Variants in CDKL2 observed in about 807,000 individuals in gnomAD.
CDKL2 encodes cyclin-dependent kinase-like 2.
Under a neutral mutation model 63.9 loss-of-function variants are expected in CDKL2, and 64 were observed. The ratio of observed to expected loss-of-function variants is 1.00; its 90% CI spans 0.82 to 1.23. CDKL2 has a LOEUF of 1.23. Ranked by LOEUF, CDKL2 falls within the 50% of genes most tolerant of loss-of-function variation. The pLI, the probability that CDKL2 is intolerant of heterozygous loss-of-function variation, is 0.00. For missense variants in CDKL2, 656 were observed against 668.0 expected, an observed-to-expected ratio of 0.98 and a Z score of 0.20; for synonymous variants, 211 against 229.2, an observed-to-expected ratio of 0.92 and a Z score of 0.72.
At chr4:75,611,933 C>A (rs2148898042) in intron 3 of CDKL2, among the ~76,000 whole-genome samples, 1 of 151,732 alleles carries the variant, frequency 6.6e-6, no homozygotes, top group Non-Finnish European at 1.5e-5. Flanking sequence ...GAATTACAGG[C>A]GTGAGCCACT....
chr4:75,617,797 C>A (rs1459355773), intron 2 of CDKL2, among the ~76,000 whole-genome samples: 1 of 152,102 alleles, frequency 6.6e-6, no homozygotes, highest in Non-Finnish European at 1.5e-5. Flanking sequence ...TCCAAACCTG[C>A]AATCATAATT....
At chr4:75,613,775 G>GCCA (rs578011365) in intron 3 of CDKL2, among the ~76,000 whole-genome samples, 49 of 152,282 alleles carry the variant, frequency 3.2e-4, no homozygotes, top group Middle Eastern at 3.4e-3. Flanking sequence ...AGAAAATAGA[G>GCCA]CCAGGCACGG....
At chr4:75,585,491 G>T (rs986111630) in intron 12 of CDKL2, among the ~76,000 whole-genome samples, 1 of 152,178 alleles carries the variant, frequency 6.6e-6, no homozygotes, top group Non-Finnish European at 1.5e-5. Flanking sequence ...TACTCAGGAG[G>T]TTGATGGGGG....
intron 3 of CDKL2, among the ~76,000 whole-genome samples, chr4:75,612,598 A>T (rs1213540950): frequency 6.6e-6 from 1 of 152,186 alleles, no homozygotes; most frequent in East Asian, 1.9e-4. Flanking sequence ...CATTTTTATG[A>T]AGAAGGATGA....
intron 10 of CDKL2, among the ~76,000 whole-genome samples, chr4:75,595,540 G>A (rs1728876684): frequency 6.6e-6 from 1 of 151,890 alleles, no homozygotes; most frequent in Non-Finnish European, 1.5e-5. Flanking sequence ...CCAAAAATCT[G>A]GTGTGGGTGA....
intron 3 of CDKL2, among the ~76,000 whole-genome samples, chr4:75,613,091 C>CTCCA (rs1729776502): frequency 6.6e-6 from 1 of 151,492 alleles, no homozygotes; most frequent in Non-Finnish European, 1.5e-5. Context: ...CGCCACTGCA[C>CTCCA]TCCAGCCTGG....
chr4:75,625,799 T>C, intron 2 of CDKL2, 22 bp downstream of exon 2: 4 of 1,562,048 alleles, frequency 2.6e-6, no homozygotes, highest in Non-Finnish European at 3.5e-6. Context: ...TATTTTTTGA[T>C]TCAATATATG....
At chr4:75,587,425 G>C (rs1018378846) in intron 12 of CDKL2, among the ~76,000 whole-genome samples, 2 of 152,146 alleles carry the variant, frequency 1.3e-5, no homozygotes, top group African/African-American at 2.4e-5. Flanking sequence ...CTGTACTCCA[G>C]TCTGGGTGAC....
chr4:75,605,868 A>G (rs1729405616), intron 4 of CDKL2, among the ~76,000 whole-genome samples: 2 of 152,128 alleles, frequency 1.3e-5, no homozygotes, highest in Non-Finnish European at 2.9e-5. Flanking sequence ...TAGGATAAGG[A>G]ATACTCAACC....
chr4:75,589,950 C>A (rs762693246), intron 12 of CDKL2, among the ~76,000 whole-genome samples: 8 of 151,750 alleles, frequency 5.3e-5, no homozygotes, highest in Admixed American at 1.3e-4. Context: ...CCACTGCACT[C>A]CAGCCTGGGC....
At position 75,600,272 on chromosome 4, in the gene CDKL2, G is replaced by A. The variant is rs1307888431; in HGVS notation, c.884+9C>T. The A allele has an allele frequency of 1.9e-6, 3 of 1,589,298 alleles. No individual in the cohort carries two copies. The highest frequency in any genetic ancestry group is 2.2e-5 in the South Asian group (2 of 90,176). On this transcript the variant is annotated intron_variant, in intron 7 of 13. Coordinates refer to ENST00000307465, the MANE Select transcript of CDKL2 (RefSeq NM_001330724.2). ...GGTATGGCCTGAAAAACATGGGTAAGTACTATACCTCTCAGCAAATCCATC... is the reference window on the plus strand; with the variant it reads ...GGTATGGCCTGAAAAACATGGGTAAATACTATACCTCTCAGCAAATCCATC...
intron 11 of CDKL2, 76 bp downstream of exon 11, chr4:75,592,064 AATTTTT>A: frequency 7.2e-7 from 1 of 1,385,866 alleles, no homozygotes; most frequent in South Asian, 1.4e-5. Flanking sequence ...AGTTAGTATG[AATTTTT>A]ATTTTTAAAT....
intron 1 of CDKL2, among the ~76,000 whole-genome samples, chr4:75,629,766 C>G (rs1578362409): frequency 6.6e-6 from 1 of 151,666 alleles, no homozygotes; most frequent in Non-Finnish European, 1.5e-5. Flanking sequence ...ATGGAGAAAC[C>G]CTGTCTCTAC....
rs374104401 is a variant in CDKL2 at position 75,597,031 on chromosome 4, C to T, written c.1226G>A (p.Ser409Asn). ...GTGTGTAAGTGGGGGAATTGCCACGCTTGGATTCCTTGTGTGGTCCACGCT... is the reference window on the plus strand; with the variant it reads ...GTGTGTAAGTGGGGGAATTGCCACGTTTGGATTCCTTGTGTGGTCCACGCT... ...NVSVDHTRNP[S>N]VAIPPLTHNL... Residue 409 changes from serine (S) to asparagine (N), a missense_variant, in exon 9 of 14, where the codon AGC (serine) becomes AAC (asparagine). Transcript: ENST00000307465. 4 of 1,614,172 alleles carry T rather than the reference C, an allele frequency of 2.5e-6. No homozygotes were observed. The highest frequency in any genetic ancestry group is 3.4e-6 in the Non-Finnish European group (4 of 1,180,012).
intron 3 of CDKL2, among the ~76,000 whole-genome samples, chr4:75,610,202 C>CAA (rs11298860): frequency 2.8e-5 from 4 of 144,878 alleles, no homozygotes; most frequent in Middle Eastern, 3.6e-3. Flanking sequence ...GCCTCCATCT[C>CAA]AAAAAAAAAA....
rs116426152 is a variant in CDKL2, at chr4:75,604,336, T to C, written c.656-380A>G. Among the ~76,000 whole-genome samples the C allele has an allele frequency of 1.3e-3, 197 of 152,356 alleles. 1 individual carries two copies. The highest frequency in any genetic ancestry group is 4.6e-3 in the African/African-American group (192 of 41,586). ...TGGTCAACTGATTTTGTGCTTATCT[T>C]AAAGTCAGATTTGAGCACTTTAATC... On this transcript the variant is annotated intron_variant, in intron 5 of 13. Transcript: ENST00000307465.
intron 6 of CDKL2, among the ~76,000 whole-genome samples, chr4:75,600,622 G>A (rs772322131): frequency 1.3e-5 from 2 of 152,002 alleles, no homozygotes; most frequent in African/African-American, 4.8e-5. Context: ...ACCACACCCA[G>A]CTAATTTTTG....
intron 7 of CDKL2, among the ~76,000 whole-genome samples, chr4:75,599,097 C>T (rs1484242955): frequency 6.6e-6 from 1 of 152,140 alleles, no homozygotes; most frequent in African/African-American, 2.4e-5. Context: ...TTAAGATCTG[C>T]TTAACTCAGC....
chr4:75,617,268 G>A (rs969712476), intron 2 of CDKL2, among the ~76,000 whole-genome samples: 3 of 151,684 alleles, frequency 2.0e-5, no homozygotes, highest in Admixed American at 1.3e-4. Flanking sequence ...TAAAAGAAGC[G>A]TTGCCAAGAA....
Sources: allele counts gnomAD v4.1 joint callset (sites outside exome capture counted in the v4.1 genomes callset), GRCh38; gene constraint gnomAD v4.1.1; transcripts MANE v1.5; gene names NCBI Gene and HGNC (gene_info 2026-07-23, HGNC 2026-07-21).